The following TP53BP1 variants were observed in gnomAD, a reference collection of about 807,000 sequenced individuals.
TP53BP1 encodes TP53-binding protein 1.
In TP53BP1, 61 loss-of-function variants were observed where a neutral mutation model predicts 200.8. That is an observed-to-expected ratio of 0.30 (90% CI 0.25 to 0.38). The LOEUF is 0.38. Ranked by LOEUF, TP53BP1 falls within the 10% of genes least tolerant of loss-of-function variation. TP53BP1 has a pLI of 1.00. For missense variants in TP53BP1, 2,144 were observed against 2,371.9 expected (o/e 0.90, Z 2.00); for synonymous variants, 822 against 844.3 (o/e 0.97, Z 0.46).
Position 43,404,658 on chromosome 15 carries a change from T to A in TP53BP1, c.*2725A>T, listed in dbSNP as rs1008570297. The A allele has an allele frequency of 2.4e-6, 3 of 1,233,398 alleles. No individual in the cohort carries two copies. The highest frequency in any genetic ancestry group is 3.4e-6 in the Non-Finnish European group (3 of 876,914). 76.4% of individuals were successfully genotyped at this position (1,233,398 alleles called of 1,614,324 possible). A position where few individuals can be genotyped will look rare whatever the true frequency, so the allele number is the denominator to read the frequency against. On this transcript the variant is annotated 3_prime_UTR_variant, in exon 28 of 28. Coordinates refer to ENST00000382044, the MANE Select transcript of TP53BP1 (RefSeq NM_001141980.3). ...GACTTTAGTCCAAATACCCTCATTT[T>A]ATAAGTAAGGCTTAGAGATAGAGGT...
chr15:43,415,223 T>TTTTG, intron 23 of TP53BP1: 1 of 203,470 alleles, frequency 4.9e-6, no homozygotes, highest in East Asian at 1.4e-4. Flanking sequence ...TTTTTTTTTC[T>TTTTG]GGAGACCAAG....
intron 10 of TP53BP1, among the ~76,000 whole-genome samples, chr15:43,473,030 G>A (rs2046765609): frequency 6.6e-6 from 1 of 152,162 alleles, no homozygotes; most frequent in Non-Finnish European, 1.5e-5. Context: ...CAGGAGTGAA[G>A]CTGCAGACCT....
chr15:43,447,428 C>T lies in TP53BP1; in HGVS notation c.2774G>A (p.Gly925Asp), dbSNP rs2143005558. The change falls in exon 13 of 28, where the codon GGT becomes GAT. Residue 925 changes from glycine (G) to aspartate (D), a missense_variant. This residue lies in a region of TP53BP1 where 1,700 missense variants were observed against 1,710.3 expected (regional missense o/e 0.99). Coordinates refer to ENST00000382044, the MANE Select transcript of TP53BP1 (RefSeq NM_001141980.3). The stretch of plus-strand genomic sequence containing the variant: ...GTGCCCAATAAGAGGTGGGGTTGCA[C>T]CAGTCAATGGTGGGATGATATCACC... ...KEGDIIPPLT[G>D]ATPPLIGHLK... 1.3e-6 allele frequency: 2 copies of T among 1,598,304 alleles called. No individual in the cohort carries two copies. Among genetic ancestry groups the T allele is most frequent in the Non-Finnish European group, 1.7e-6 (2 of 1,176,264 alleles).
intron 23 of TP53BP1, 141 bp from the exon 24 acceptor site, chr15:43,413,475 A>C: frequency 1.5e-6 from 1 of 650,062 alleles, no homozygotes; most frequent in Non-Finnish European, 2.6e-6. Context: ...CAGAAACCAA[A>C]GACCATTCCA....
intron 11 of TP53BP1, among the ~76,000 whole-genome samples, chr15:43,463,298 T>C (rs2140069870): frequency 6.6e-6 from 1 of 152,270 alleles, no homozygotes; most frequent in East Asian, 1.9e-4. Context: ...ACAAGTTTAT[T>C]AGGAAAGAAA....
intron 9 of TP53BP1, 53 bp from the exon 10 acceptor site, chr15:43,474,820 T>C (rs2046817376): frequency 1.5e-6 from 2 of 1,313,848 alleles, no homozygotes; most frequent in Non-Finnish European, 2.2e-6. Flanking sequence ...CAGTTTTGCA[T>C]TTCTGTATTT....
chr15:43,409,226 T>TC, intron 25 of TP53BP1, 130 bp from the exon 26 acceptor site: 1 of 804,760 alleles, frequency 1.2e-6, no homozygotes, highest in Non-Finnish European at 2.0e-6. Flanking sequence ...ATTTAGTCTA[T>TC]CCTGCCCAAG....
At chr15:43,427,979 AAAG>A (rs759062561) in intron 18 of TP53BP1, 34 bp downstream of exon 18, 1 of 1,440,950 alleles carries the variant, frequency 6.9e-7, no homozygotes, top group East Asian at 2.4e-5. Flanking sequence ...AAAAAGAAAG[AAAG>A]AAATTTGCCA....
chr15:43,409,046 G>T lies in TP53BP1; in HGVS notation c.5451C>A (p.Thr1817=), dbSNP rs1370142353. The T allele has an allele frequency of 1.2e-6, 2 of 1,614,100 alleles. No individual in the cohort carries two copies. Among genetic ancestry groups the T allele is most frequent in the Non-Finnish European group, 1.7e-6 (2 of 1,180,054 alleles). ...TGGCAAGGCACAGGAAGTACTTCCG[G>T]GTTCGACAATGCTGATCCGCAATTA... ...CLLIADQHCR[T]RKYFLCLASG... Residue 1817 remains threonine, a synonymous_variant, in exon 26 of 28, where the codon ACC becomes ACA. Transcript: ENST00000382044.
chr15:43,461,825 C>T (rs978517960), intron 11 of TP53BP1, among the ~76,000 whole-genome samples: 21 of 151,702 alleles, frequency 1.4e-4, no homozygotes, highest in Admixed American at 3.9e-4. Context: ...CCCGCCACCA[C>T]ACCCGGCTAA....
intron 24 of TP53BP1, chr15:43,412,794 G>C: frequency 2.1e-6 from 1 of 482,122 alleles, no homozygotes; most frequent in South Asian, 1.5e-5. Context: ...CTAGTCACAG[G>C]TTTGTCATTA....
intron 16 of TP53BP1, among the ~76,000 whole-genome samples, chr15:43,435,360 T>C (rs1477609174): frequency 6.6e-6 from 1 of 151,790 alleles, no homozygotes; most frequent in Non-Finnish European, 1.5e-5. Context: ...ATTCTGAGTG[T>C]AGCTCTGTTT....
chr15:43,507,414 C>T (rs1486261854), intron 1 of TP53BP1, among the ~76,000 whole-genome samples: 7 of 152,134 alleles, frequency 4.6e-5, no homozygotes, highest in South Asian at 2.1e-4. Flanking sequence ...GGATTACAGG[C>T]GTGAGCCACT....
At position 43,461,620 on chromosome 15, in the gene TP53BP1, G is replaced by A. The variant is rs182611848; in HGVS notation, c.1390-4402C>T. On this transcript the variant is annotated intron_variant, in intron 11 of 27. Coordinates refer to ENST00000382044, the MANE Select transcript of TP53BP1 (RefSeq NM_001141980.3). ...ATACTAAAAGATCAAAAAACATTTGGGCTATAGAAAGAAGTTTCTATTTTA... is the reference window on the plus strand; with the variant it reads ...ATACTAAAAGATCAAAAAACATTTGAGCTATAGAAAGAAGTTTCTATTTTA... Among the ~76,000 whole-genome samples the A allele has an allele frequency of 5.1e-4, 78 of 152,100 alleles. 1 individual carries two copies. Among genetic ancestry groups the A allele is most frequent in the Admixed American group, 5.2e-4 (8 of 15,258 alleles).
intron 26 of TP53BP1, 29 bp from the exon 27 acceptor site, chr15:43,408,117 C>T (rs1185567039): frequency 1.9e-6 from 3 of 1,607,006 alleles, no homozygotes; most frequent in Non-Finnish European, 2.5e-6. Context: ...AGGACCTTAG[C>T]ATGACAAGTA....
chr15:43,450,237 T>C (rs1175887410), intron 12 of TP53BP1, among the ~76,000 whole-genome samples: 1 of 152,218 alleles, frequency 6.6e-6, no homozygotes, highest in African/African-American at 2.4e-5. Flanking sequence ...TCCAAAGCAA[T>C]ATTTAAAACT....
intron 19 of TP53BP1, 127 bp downstream of exon 19, chr15:43,421,728 A>G (rs773959208): frequency 1.5e-5 from 20 of 1,296,336 alleles, no homozygotes; most frequent in Non-Finnish European, 2.1e-5. Flanking sequence ...AATAGTGAAG[A>G]GGGGTAGTTG....
upstream of TP53BP1, among the ~76,000 whole-genome samples, chr15:43,493,600 G>C (rs2079159565): frequency 6.6e-6 from 1 of 152,104 alleles, no homozygotes; most frequent in Non-Finnish European, 1.5e-5. Flanking sequence ...CAACAGAAGA[G>C]ACTCTTTCTT....
chr15:43,450,131 T>C (rs957710032), intron 12 of TP53BP1, among the ~76,000 whole-genome samples: 2 of 152,194 alleles, frequency 1.3e-5, no homozygotes, highest in Non-Finnish European at 2.9e-5. Context: ...CAAACAATAA[T>C]GAAGGATATG....
Sources: gnomAD v4.1 joint callset for allele counts (sites outside exome capture counted in the v4.1 genomes callset) on GRCh38, gnomAD v4.1.1 for gene constraint, gnomAD v4.1.1 regional missense constraint, MANE v1.5 for transcripts, NCBI Gene and HGNC (gene_info 2026-07-23, HGNC 2026-07-21) for gene names.